The following GRIP1 variants were observed in gnomAD, a reference collection of about 807,000 sequenced individuals.
GRIP1 encodes glutamate receptor-interacting protein 1.
In GRIP1, 45 loss-of-function variants were observed where a neutral mutation model predicts 129.9. The observed-to-expected ratio is 0.35, with a 90% CI of 0.27 to 0.44. GRIP1 has a LOEUF of 0.44. Ranked by LOEUF, GRIP1 falls within the 20% of genes least tolerant of loss-of-function variation. The probability of loss-of-function intolerance (pLI) is 1.00; values close to 1 mark genes in which losing one functional copy is unlikely to be tolerated. For missense variants in GRIP1, 1,196 were observed against 1,396.8 expected (o/e 0.86, Z 2.29); for synonymous variants, 530 against 520.8 (o/e 1.02, Z -0.24).
intron 2 of GRIP1, among the ~76,000 whole-genome samples, chr12:66,555,407 C>T (rs1356830536): frequency 2.0e-5 from 3 of 152,162 alleles, no homozygotes; most frequent in Non-Finnish European, 2.9e-5. Context: ...CCAACACCCA[C>T]GTCCCTTCAA....
chr12:66,804,250 C>G (rs1040586281), upstream of GRIP1: 2 of 394,454 alleles, frequency 5.1e-6, no homozygotes, highest in South Asian at 1.9e-5. Context: ...AGCTGCTCTG[C>G]GAGCCGGTGG....
intron 1 of GRIP1, among the ~76,000 whole-genome samples, chr12:66,880,328 A>T (rs2040457849): frequency 6.6e-6 from 1 of 152,164 alleles, no homozygotes; most frequent in South Asian, 2.1e-4. Flanking sequence ...ATAATGTCAA[A>T]TACAGCCATG....
intron 1 of GRIP1, among the ~76,000 whole-genome samples, chr12:67,065,888 T>C (rs531684498): frequency 7.9e-5 from 12 of 152,338 alleles, no homozygotes; most frequent in Admixed American, 4.6e-4. Flanking sequence ...TTGGAAGAGA[T>C]ATCAAACAGG....
intron 15 of GRIP1, among the ~76,000 whole-genome samples, chr12:66,416,898 C>T (rs927257824): frequency 1.3e-5 from 2 of 151,764 alleles, no homozygotes; most frequent in Non-Finnish European, 1.5e-5. Context: ...ATTCCAAACT[C>T]ATTCTATGAG....
At chr12:66,362,711 A>G (rs2054848120) in intron 23 of GRIP1, among the ~76,000 whole-genome samples, 1 of 151,904 alleles carries the variant, frequency 6.6e-6, no homozygotes, top group Non-Finnish European at 1.5e-5. Flanking sequence ...AATCAAACTT[A>G]AGGGAAGCTA....
rs375985428 is a variant in GRIP1 at position 66,379,242 on chromosome 12, GT to G, written c.2621+37del. On this transcript the variant is annotated intron_variant, in intron 20 of 24. Coordinates refer to ENST00000359742, the MANE Select transcript of GRIP1 (RefSeq NM_001366722.1). ...CAAATCTTGCCCACATGACCATGCA[GT>G]CATCTTGGATGAGGCAGCATTGGTT... 1.1e-3 allele frequency: 1,772 copies of G among 1,602,472 alleles called. 4 individuals carry two copies. The highest frequency in any genetic ancestry group is 1.4e-3 in the Non-Finnish European group (1,644 of 1,170,478).
At chr12:66,496,204 A>T (rs2060235268) in intron 7 of GRIP1, among the ~76,000 whole-genome samples, 1 of 152,160 alleles carries the variant, frequency 6.6e-6, no homozygotes, top group Non-Finnish European at 1.5e-5. Flanking sequence ...ATCTGAAGCC[A>T]CACCTGAACG....
At chr12:66,739,456 T>A (rs1244639951) in intron 1 of GRIP1, among the ~76,000 whole-genome samples, 1 of 152,156 alleles carries the variant, frequency 6.6e-6, no homozygotes, top group Non-Finnish European at 1.5e-5. Flanking sequence ...CCAAGCCCCA[T>A]GCACCAGTTA....
rs527456081 is a variant in GRIP1, at chr12:66,638,863, G to T, written c.55+39987C>A. On this transcript the variant is annotated intron_variant, in intron 1 of 24. Coordinates refer to ENST00000359742, the MANE Select transcript of GRIP1 (RefSeq NM_001366722.1). ...ACAGCCAGAGTTGTGAGGTGACAGTGCCTGGGTAAAAACCCAGGGACAATA... is the reference window on the plus strand; with the variant it reads ...ACAGCCAGAGTTGTGAGGTGACAGTTCCTGGGTAAAAACCCAGGGACAATA... Among the ~76,000 whole-genome samples the T allele has an allele frequency of 2.3e-3, 355 of 152,270 alleles. 2 individuals carry two copies. Among genetic ancestry groups the T allele is most frequent in the African/African-American group, 8.2e-3 (342 of 41,558 alleles).
At chr12:66,520,035 C>A (rs938883118) in intron 5 of GRIP1, among the ~76,000 whole-genome samples, 3 of 152,190 alleles carry the variant, frequency 2.0e-5, no homozygotes, top group Non-Finnish European at 4.4e-5. Flanking sequence ...GAACCTGTGA[C>A]TTATAGCATT....
chr12:66,563,151 AT>A (rs2062600159), intron 2 of GRIP1, among the ~76,000 whole-genome samples: 1 of 152,130 alleles, frequency 6.6e-6, no homozygotes, highest in Admixed American at 6.5e-5. Context: ...CAGTTATACT[AT>A]ATATACAGTA....
At chr12:66,704,150 A>G (rs2035447709) in intron 1 of GRIP1, among the ~76,000 whole-genome samples, 1 of 152,140 alleles carries the variant, frequency 6.6e-6, no homozygotes, top group Non-Finnish European at 1.5e-5. Flanking sequence ...CAATTTACAT[A>G]CATCACACAA....
At chr12:66,546,890 G>A (rs10878448) in intron 2 of GRIP1, among the ~76,000 whole-genome samples, 14,132 of 151,256 alleles carry the variant, frequency 0.093, 740 homozygotes, top group East Asian at 0.24. Flanking sequence ...ATCCATAAAA[G>A]GAAAAAAAAA....
intron 1 of GRIP1, among the ~76,000 whole-genome samples, chr12:67,035,248 G>A (rs771890836): frequency 2.0e-5 from 3 of 152,096 alleles, no homozygotes; most frequent in Admixed American, 6.6e-5. Context: ...CATAAAGCTC[G>A]GGCTTCGCAG....
intron 1 of GRIP1, among the ~76,000 whole-genome samples, chr12:66,825,723 G>A (rs1445904824): frequency 6.6e-6 from 1 of 152,178 alleles, no homozygotes; most frequent in Middle Eastern, 3.2e-3. Flanking sequence ...ATAGAATGAT[G>A]AGAGTGCCCT....
chr12:66,966,519 T>C (rs1250741922), intron 1 of GRIP1, among the ~76,000 whole-genome samples: 2 of 152,264 alleles, frequency 1.3e-5, no homozygotes, highest in East Asian at 3.9e-4. Context: ...TGTCTTCATT[T>C]TACCTAATAT....
At chr12:66,829,698 T>C (rs895658532) in intron 1 of GRIP1, among the ~76,000 whole-genome samples, 1 of 152,222 alleles carries the variant, frequency 6.6e-6, no homozygotes, top group African/African-American at 2.4e-5. Flanking sequence ...ATTTTATAGC[T>C]CAAGCGCTTT....
chr12:66,553,964 T>C (rs1592539588), intron 2 of GRIP1, among the ~76,000 whole-genome samples: 1 of 152,068 alleles, frequency 6.6e-6, no homozygotes, highest in Non-Finnish European at 1.5e-5. Context: ...CTAAATCTAC[T>C]TGAAAGGCAG....
At chr12:66,564,534 C>A (rs1431280302) in intron 2 of GRIP1, among the ~76,000 whole-genome samples, 1 of 152,088 alleles carries the variant, frequency 6.6e-6, no homozygotes, top group Non-Finnish European at 1.5e-5. Flanking sequence ...TATTGTTGGA[C>A]ATTTGGGTTG....
Sources: allele counts gnomAD v4.1 joint callset (sites outside exome capture counted in the v4.1 genomes callset), GRCh38; gene constraint gnomAD v4.1.1; transcripts MANE v1.5; gene names NCBI Gene and HGNC (gene_info 2026-07-23, HGNC 2026-07-21).